The following INPP5D variants were observed in gnomAD, a reference collection of about 807,000 sequenced individuals.
The protein encoded by INPP5D is phosphatidylinositol 3,4,5-trisphosphate 5-phosphatase 1.
In INPP5D, 33 loss-of-function variants were observed where a neutral mutation model predicts 122.9. The ratio of observed to expected loss-of-function variants is 0.27; its 90% CI spans 0.20 to 0.36. The LOEUF is 0.36. Among genes scored for constraint, INPP5D ranks in the 10% least tolerant of loss-of-function variants. INPP5D has a pLI of 1.00. For missense variants in INPP5D, 1,053 were observed against 1,412.7 expected (o/e 0.75, Z 4.08); for synonymous variants, 584 against 576.2 (o/e 1.01, Z -0.19).
intron 6 of INPP5D, among the ~76,000 whole-genome samples, chr2:233,144,300 T>C (rs1693691867): frequency 6.9e-6 from 1 of 145,732 alleles, no homozygotes. Flanking sequence ...GTAGTGATGA[T>C]GATAGTGGAG....
chr2:233,200,303 G>C (rs1167490317), intron 25 of INPP5D, among the ~76,000 whole-genome samples: 1 of 152,236 alleles, frequency 6.6e-6, no homozygotes, highest in Non-Finnish European at 1.5e-5. Flanking sequence ...AGCTCTACAT[G>C]TTTCTAGTAG....
At chr2:233,181,698 G>A (rs1399207798) in intron 18 of INPP5D, among the ~76,000 whole-genome samples, 1 of 152,148 alleles carries the variant, frequency 6.6e-6, no homozygotes, top group Admixed American at 6.5e-5. Context: ...CTCTCTCCCG[G>A]TTCTATGAGG....
chr2:233,154,048 C>A (rs896299032), intron 9 of INPP5D, among the ~76,000 whole-genome samples: 1 of 152,242 alleles, frequency 6.6e-6, no homozygotes, highest in Non-Finnish European at 1.5e-5. Context: ...ACAGACCCCA[C>A]CTCACTGTTG....
chr2:233,190,979 G>C (rs1456800688), intron 22 of INPP5D, among the ~76,000 whole-genome samples: 1 of 152,200 alleles, frequency 6.6e-6, no homozygotes, highest in Non-Finnish European at 1.5e-5. Flanking sequence ...AGTAAAAAAG[G>C]AGAGAAGCGG....
intron 2 of INPP5D, among the ~76,000 whole-genome samples, chr2:233,084,841 A>G (rs560709450): frequency 8.5e-5 from 13 of 152,240 alleles, no homozygotes; most frequent in Non-Finnish European, 1.8e-4. Flanking sequence ...GCCAAGGACA[A>G]TGGGCCCCAA....
chr2:233,104,304 CT>C (rs1364885821), intron 2 of INPP5D, among the ~76,000 whole-genome samples: 1 of 152,184 alleles, frequency 6.6e-6, no homozygotes, highest in African/African-American at 2.4e-5. Flanking sequence ...CTAACAGAAA[CT>C]TAAGTGAAGC....
intron 2 of INPP5D, among the ~76,000 whole-genome samples, chr2:233,113,861 A>G (rs564847819): frequency 1.3e-5 from 2 of 151,602 alleles, no homozygotes; most frequent in African/African-American, 4.8e-5. Flanking sequence ...TGATCACATC[A>G]CACACACACC....
intron 24 of INPP5D, among the ~76,000 whole-genome samples, chr2:233,196,527 A>G (rs922497815): frequency 1.3e-5 from 2 of 152,200 alleles, no homozygotes; most frequent in African/African-American, 4.8e-5. Flanking sequence ...ACCAGCAATC[A>G]TGGGATCTGT....
intron 1 of INPP5D, among the ~76,000 whole-genome samples, chr2:233,073,074 C>T (rs1032790468): frequency 3.3e-5 from 5 of 152,158 alleles, no homozygotes; most frequent in Admixed American, 2.0e-4. Flanking sequence ...ATCAGCCCAT[C>T]CCCCCTTCAC....
intron 25 of INPP5D, among the ~76,000 whole-genome samples, chr2:233,198,631 C>T (rs990843901): frequency 5.9e-5 from 9 of 152,338 alleles, no homozygotes; most frequent in African/African-American, 1.9e-4. Flanking sequence ...AAAGGAACCT[C>T]CTATAAAAAC....
At chr2:233,199,611 C>T (rs1695279276) in intron 25 of INPP5D, among the ~76,000 whole-genome samples, 1 of 151,764 alleles carries the variant, frequency 6.6e-6, no homozygotes, top group South Asian at 2.1e-4. Flanking sequence ...AGACAGATCT[C>T]GAGGTCAGGA....
intron 9 of INPP5D, among the ~76,000 whole-genome samples, chr2:233,151,607 T>C (rs1015212466): frequency 3.9e-5 from 6 of 152,226 alleles, no homozygotes; most frequent in African/African-American, 1.4e-4. Flanking sequence ...AGCAAGTGCG[T>C]GCTCAGGGAT....
intron 2 of INPP5D, among the ~76,000 whole-genome samples, chr2:233,118,885 C>A (rs757412813): frequency 6.6e-6 from 1 of 152,258 alleles, no homozygotes; most frequent in East Asian, 1.9e-4. Context: ...CCTGGGAACC[C>A]GGGCAGCCGG....
At chr2:233,198,878 A>C (rs1440453255) in intron 25 of INPP5D, among the ~76,000 whole-genome samples, 1 of 151,710 alleles carries the variant, frequency 6.6e-6, no homozygotes, top group East Asian at 2.0e-4. Context: ...TGAACCCAGG[A>C]GGTGGAGGTT....
At chr2:233,155,012 C>G (rs1397142767) in intron 9 of INPP5D, among the ~76,000 whole-genome samples, 3 of 152,130 alleles carry the variant, frequency 2.0e-5, no homozygotes, top group Non-Finnish European at 4.4e-5. Flanking sequence ...GCGTGAGCCA[C>G]TGCACCCAGC....
In INPP5D at chr2:233,080,160, C is replaced by A. The variant is rs79795989; in HGVS notation, c.198+762C>A. ...GGCCAGGCTGGTCTTAAACTCCTGA[C>A]AGCGAATGATCTGCCCACCTCGGCC... is the stretch of plus-strand genomic sequence containing the variant. On this transcript the variant is annotated intron_variant, in intron 2 of 26. Coordinates refer to ENST00000445964, the MANE Select transcript of INPP5D (RefSeq NM_001017915.3). 3.9e-3 allele frequency among the ~76,000 whole-genome samples: 599 copies of A among 152,186 alleles called. 4 individuals carry two copies. Among genetic ancestry groups the A allele is most frequent in the African/African-American group, 0.014 (578 of 41,500 alleles).
intron 1 of INPP5D, among the ~76,000 whole-genome samples, chr2:233,063,629 G>A (rs188432551): frequency 1.0e-3 from 152 of 152,338 alleles, no homozygotes; most frequent in Non-Finnish European, 1.8e-3. Flanking sequence ...GGTCAGCCCC[G>A]TCACCTACCA....
intron 1 of INPP5D, among the ~76,000 whole-genome samples, chr2:233,066,185 G>A (rs1691221703): frequency 6.6e-6 from 1 of 151,520 alleles, no homozygotes; most frequent in Admixed American, 6.6e-5. Context: ...AACTCCTGGA[G>A]TCAGGTGGTT....
intron 1 of INPP5D, among the ~76,000 whole-genome samples, chr2:233,069,012 C>A (rs1455368827): frequency 1.3e-5 from 2 of 152,186 alleles, no homozygotes; most frequent in African/African-American, 4.8e-5. Flanking sequence ...GCAGAGGGTA[C>A]TGAAGTCCTG....
Sources: allele counts gnomAD v4.1 joint callset (sites outside exome capture counted in the v4.1 genomes callset), GRCh38; gene constraint gnomAD v4.1.1; transcripts MANE v1.5; gene names NCBI Gene and HGNC (gene_info 2026-07-23, HGNC 2026-07-21).